The following RAB3GAP1 variants were observed in gnomAD, a reference collection of about 807,000 sequenced individuals.
RAB3GAP1 encodes the protein RAB3 GTPase activating protein catalytic subunit 1, also known as rab3 GTPase-activating protein catalytic subunit.
RAB3GAP1 carries 86 observed loss-of-function variants against 130.7 expected under a neutral mutation model. The ratio of observed to expected loss-of-function variants is 0.66; its 90% confidence interval spans 0.55 to 0.79. RAB3GAP1 has a LOEUF of 0.79. RAB3GAP1 is among the 30% of genes least tolerant of loss of function. The pLI, the probability that RAB3GAP1 is intolerant of heterozygous loss-of-function variation, is 0.00. For missense variants in RAB3GAP1, 1,029 were observed against 1,169.4 expected (o/e 0.88, Z 1.75); for synonymous variants, 367 against 401.7 (o/e 0.91, Z 1.03).
intron 3 of RAB3GAP1, among the ~76,000 whole-genome samples, chr2:135,088,705 A>AG (rs1558769926): frequency 1.3e-5 from 2 of 151,020 alleles, no homozygotes; most frequent in African/African-American, 4.9e-5. Context: ...AAAAAAAAAA[A>AG]AAAGAAAGAA....
In RAB3GAP1 at chr2:135,124,202, G is replaced by T. The variant is rs768676274; in HGVS notation, c.786G>T (p.Leu262Phe). Residue 262 changes from leucine to phenylalanine, a missense_variant, in exon 9 of 24, where the codon TTG becomes TTT. Leu to Phe is a conservative substitution (Grantham distance 22). Transcript: ENST00000264158. Reference protein sequence around the residue: ...DALVGGEVGGLEFGKLPFGAC... With the variant: ...DALVGGEVGGFEFGKLPFGAC... ...TTGTAGGAGGAGAAGTTGGAGGCTT[G>T]GAGTTTGGCAAGTTACCATTTGGTG... 10 of 1,614,010 alleles carry T rather than the reference G, an allele frequency of 6.2e-6. No individual in the cohort carries two copies. The highest frequency in any genetic ancestry group is 8.5e-6 in the Non-Finnish European group (10 of 1,180,006).
chr2:135,117,501 TCTTCTTCTTCTG>T (rs1325926029), intron 7 of RAB3GAP1, among the ~76,000 whole-genome samples: 15 of 122,870 alleles, frequency 1.2e-4, no homozygotes, highest in African/African-American at 2.0e-4. Context: ...TTCTGCTTCT[TCTTCTTCTTCTG>T]CTTCTTCTGC....
At chr2:135,099,395 G>A (rs574967013) in intron 5 of RAB3GAP1, among the ~76,000 whole-genome samples, 1 of 151,678 alleles carries the variant, frequency 6.6e-6, no homozygotes, top group African/African-American at 2.4e-5. Context: ...GCATTCTCAA[G>A]ATAAACTCCA....
At chr2:135,062,213 G>A (rs1002506269) in intron 3 of RAB3GAP1, among the ~76,000 whole-genome samples, 38 of 152,010 alleles carry the variant, frequency 2.5e-4, no homozygotes, top group Non-Finnish European at 1.2e-4. Flanking sequence ...TGCGCCCGTC[G>A]TATATTGTCT....
chr2:135,081,164 G>A (rs572433269), intron 3 of RAB3GAP1, among the ~76,000 whole-genome samples: 25 of 150,606 alleles, frequency 1.7e-4, no homozygotes, highest in Non-Finnish European at 2.2e-4. Flanking sequence ...TCCATTAGCC[G>A]GGCGTGGTGG....
At chr2:135,099,463 G>GTA (rs1158150415) in intron 5 of RAB3GAP1, among the ~76,000 whole-genome samples, 5,796 of 149,254 alleles carry the variant, frequency 0.039, 224 homozygotes, top group East Asian at 0.15. Flanking sequence ...GTGTGTGTGT[G>GTA]TGTATGTATG....
chr2:135,072,767 A>G (rs1372955734), intron 3 of RAB3GAP1, among the ~76,000 whole-genome samples: 1 of 152,208 alleles, frequency 6.6e-6, no homozygotes, highest in East Asian at 1.9e-4. Context: ...CTTACCAAAA[A>G]TACCTCTTTA....
At chr2:135,102,786 C>T (rs761923256) in intron 5 of RAB3GAP1, among the ~76,000 whole-genome samples, 1 of 151,902 alleles carries the variant, frequency 6.6e-6, no homozygotes, top group Admixed American at 6.5e-5. Context: ...GATGCCAAGG[C>T]GGGCGGATCA....
intron 3 of RAB3GAP1, among the ~76,000 whole-genome samples, chr2:135,068,491 G>T (rs62168954): frequency 0.043 from 6,348 of 149,114 alleles, 160 homozygotes; most frequent in African/African-American, 0.056. Context: ...CGTGGCTCAC[G>T]CCTGTAATCC....
chr2:135,154,277 C>T (rs900108915), intron 19 of RAB3GAP1, among the ~76,000 whole-genome samples: 3 of 152,144 alleles, frequency 2.0e-5, no homozygotes, highest in African/African-American at 7.2e-5. Flanking sequence ...TTTCCAACAA[C>T]AGGGACTTGG....
At chr2:135,057,088 C>T (rs1403278276) in intron 2 of RAB3GAP1, among the ~76,000 whole-genome samples, 1 of 152,156 alleles carries the variant, frequency 6.6e-6, no homozygotes, top group Non-Finnish European at 1.5e-5. Flanking sequence ...TTTTCATTTA[C>T]TGATGTTGAG....
At chr2:135,052,367 A>G (rs755509079) in intron 1 of RAB3GAP1, 42 bp downstream of exon 1, 8 of 1,614,050 alleles carry the variant, frequency 5.0e-6, no homozygotes, top group Non-Finnish European at 4.2e-6. Context: ...CACTATCTAA[A>G]TTCGTTCCTC....
intron 7 of RAB3GAP1, among the ~76,000 whole-genome samples, chr2:135,120,426 C>T (rs1316732594): frequency 6.6e-6 from 1 of 152,114 alleles, no homozygotes. Context: ...GACAAAAATA[C>T]AGTGATTCTT....
At chr2:135,059,453 T>G (rs1689108608) in intron 3 of RAB3GAP1, among the ~76,000 whole-genome samples, 1 of 152,192 alleles carries the variant, frequency 6.6e-6, no homozygotes, top group African/African-American at 2.4e-5. Flanking sequence ...CCATTGAACA[T>G]AAATTCTAGT....
chr2:135,052,554 C>A (rs776870888), intron 2 of RAB3GAP1, 69 bp downstream of exon 2: 7 of 1,556,478 alleles, frequency 4.5e-6, no homozygotes, highest in Non-Finnish European at 6.2e-6. Flanking sequence ...TTCCCTGACC[C>A]CAGACACACC....
intron 3 of RAB3GAP1, among the ~76,000 whole-genome samples, chr2:135,074,456 T>C (rs1689565412): frequency 6.6e-6 from 1 of 152,178 alleles, no homozygotes; most frequent in Non-Finnish European, 1.5e-5. Flanking sequence ...TTAGAGTTTG[T>C]CTGCCAGAAG....
At chr2:135,129,708 T>C (rs925769000) in intron 11 of RAB3GAP1, among the ~76,000 whole-genome samples, 2 of 152,136 alleles carry the variant, frequency 1.3e-5, no homozygotes, top group African/African-American at 4.8e-5. Context: ...CTGTGTCTCA[T>C]TGAGGCATAT....
At chr2:135,070,218 C>T (rs1221307369) in intron 3 of RAB3GAP1, among the ~76,000 whole-genome samples, 1 of 152,218 alleles carries the variant, frequency 6.6e-6, no homozygotes, top group Non-Finnish European at 1.5e-5. Flanking sequence ...ACAGACAGAA[C>T]ACCCCCCAAG....
chr2:135,115,532 G>A, intron 7 of RAB3GAP1, 151 bp downstream of exon 7: 1 of 787,266 alleles, frequency 1.3e-6, no homozygotes, highest in Admixed American at 3.1e-5. Context: ...AAATTACTTT[G>A]TAATTTCTAA....
Sources: gnomAD v4.1 joint callset for allele counts (sites outside exome capture counted in the v4.1 genomes callset) on GRCh38, gnomAD v4.1.1 for gene constraint, MANE v1.5 for transcripts, NCBI Gene and HGNC (gene_info 2026-07-23, HGNC 2026-07-21) for gene names.